Variants in SPNS3 observed in about 807,000 individuals in gnomAD.
SPNS3 encodes the protein protein spinster homolog 3.
In SPNS3, 51 loss-of-function variants were observed where a neutral mutation model predicts 54.4. That is an observed-to-expected ratio of 0.94 (90% confidence interval 0.75 to 1.18). The LOEUF (loss-of-function observed/expected upper bound fraction) is 1.18. Ranked by LOEUF, SPNS3 falls within the 50% of genes most tolerant of loss-of-function variation. The pLI, the probability that SPNS3 is intolerant of heterozygous loss-of-function variation, is 0.00. For missense variants in SPNS3, 669 were observed against 677.4 expected, an observed-to-expected ratio of 0.99 and a Z score of 0.14; for synonymous variants, 309 against 294.7, an observed-to-expected ratio of 1.05 and a Z score of -0.50.
chr17:4,456,740 G>T (rs1255042004), intron 8 of SPNS3, among the ~76,000 whole-genome samples: 2 of 150,244 alleles, frequency 1.3e-5, no homozygotes, highest in Non-Finnish European at 3.0e-5. Flanking sequence ...TTTGAGACAG[G>T]GTCTCACTCT....
intron 2 of SPNS3, 100 bp downstream of exon 2, chr17:4,439,823 G>C: frequency 8.9e-7 from 1 of 1,125,228 alleles, no homozygotes. Context: ...GCCCCACTGG[G>C]TCCCCTGGCA....
intron 5 of SPNS3, 34 bp downstream of exon 5, chr17:4,446,996 C>T (rs765042046): frequency 1.2e-6 from 2 of 1,611,328 alleles, no homozygotes; most frequent in Non-Finnish European, 1.7e-6. Context: ...CCTCTGCTTT[C>T]CCTCTGGACC....
chr17:4,445,164 C>A lies in SPNS3; in HGVS notation c.398C>A (p.Pro133His), dbSNP rs200883298. The A allele has an allele frequency of 3.7e-6, 6 of 1,612,370 alleles. 1 individual carries two copies. Among genetic ancestry groups the A allele is most frequent in the South Asian group, 2.2e-5 (2 of 90,884 alleles). ...GAGLSSSFIS[P>H]RYSWLFFLSR... ...GGCCTCTCTAGCTCCTTCATCTCCC[C>A]CCGGGTACGTGTCCATGCCCCTGTC... Residue 133 changes from proline to histidine, a missense_variant, in exon 3 of 12, where the codon CCC (proline) becomes CAC (histidine). Physicochemically the swap from Pro to His is moderately conservative, Grantham distance 77. Coordinates refer to ENST00000355530, the MANE Select transcript of SPNS3 (RefSeq NM_182538.5).
In SPNS3 at chr17:4,486,239, G is replaced by A. The variant is rs1972307860; in HGVS notation, c.1191G>A (p.Val397=). 2.6e-6 allele frequency: 4 copies of A among 1,562,424 alleles called. No individual in the cohort carries two copies. Among genetic ancestry groups the A allele is most frequent in the Non-Finnish European group, 3.5e-6 (4 of 1,158,332 alleles). ...VVADILLSVV[V]PRCRGTAEAL... ...CCTATGTTTTGCAGTCTGTGGTGGT[G>A]CCCAGATGCCGGGGGACGGCAGAGG... is the stretch of plus-strand genomic sequence containing the variant. The change falls in exon 10 of 12, where the codon GTG becomes GTA. Residue 397 remains valine (V), a synonymous_variant. Transcript: ENST00000355530. This position sits in a 1 kb window ranked among gnomAD's most constrained non-coding sequence, Gnocchi z 5.5.
rs766479806 is a variant in SPNS3, at chr17:4,448,322, C to T, written c.770+19C>T. 16 of 1,515,150 alleles carry T rather than the reference C, an allele frequency of 1.1e-5. No individual in the cohort carries two copies. The African/African-American group carries it at 1.6e-4, about 15-fold the overall frequency. The allele number at this position is 1,515,150 out of a possible 1,614,324, so 93.9% of individuals were successfully genotyped here. On this transcript the variant is annotated intron_variant, in intron 6 of 11. Transcript: ENST00000355530. ...GGAAAAAGTGAGTATCCCTGCTACC[C>T]CCTGCAAGGCACAGAAAAGCCCGTT...
At chr17:4,474,236 C>G (rs1476553946) in intron 8 of SPNS3, among the ~76,000 whole-genome samples, 1 of 152,238 alleles carries the variant, frequency 6.6e-6, no homozygotes, top group Non-Finnish European at 1.5e-5. Flanking sequence ...GCTGCCGGCC[C>G]CTGGAAACCA....
chr17:4,434,112 G>A lies in SPNS3; in HGVS notation c.145G>A (p.Ala49Thr), dbSNP rs542915181. ...CCCGTGGAGGGCCTACGTGGCTGCC[G>A]CCGTCCTCTGCTACATCAACCTCCT... ...LPPWRAYVAA[A>T]VLCYINLLNY... Residue 49 changes from alanine (A) to threonine (T), a missense_variant, in exon 1 of 12, where the codon GCC becomes ACC. Transcript: ENST00000355530. The A allele has an allele frequency of 4.8e-5, 78 of 1,612,212 alleles. 2 individuals carry two copies. In the South Asian group the frequency reaches 5.3e-4, roughly 11 times the overall value.
intron 8 of SPNS3, among the ~76,000 whole-genome samples, chr17:4,470,988 G>A (rs1353587710): frequency 6.6e-6 from 1 of 151,982 alleles, no homozygotes; most frequent in African/African-American, 2.4e-5. Context: ...GGGATGGCAC[G>A]AACTCGGATC....
intron 9 of SPNS3, chr17:4,481,965 T>C (rs149568614): frequency 0.032 from 4,925 of 152,076 alleles, 126 homozygotes; most frequent in African/African-American, 0.074. Flanking sequence ...CTCAGCTCAC[T>C]GCGACCTCTG....
rs538177269 is a variant in SPNS3, at chr17:4,460,411, AT to A, written c.1113+7211del. ...TTTGCCATGGTCATTGTGGGTAATC[AT>A]TTTTATGTATTGCTGGATTTTTTTT... On this transcript the variant is annotated intron_variant, in intron 8 of 11. Transcript: ENST00000355530. Among the ~76,000 whole-genome samples the A allele has an allele frequency of 1.2e-4, 17 of 145,662 alleles. No individual in the cohort carries two copies. In the East Asian group the frequency reaches 3.3e-3, roughly 29 times the overall value.
intron 9 of SPNS3, among the ~76,000 whole-genome samples, chr17:4,484,527 G>A (rs1477818187): frequency 6.6e-6 from 1 of 152,112 alleles, no homozygotes; most frequent in Admixed American, 6.6e-5. Flanking sequence ...CGCCATGTTG[G>A]CCAGGCTGGT....
chr17:4,438,973 C>G (rs1970781097), intron 1 of SPNS3, among the ~76,000 whole-genome samples: 1 of 150,748 alleles, frequency 6.6e-6, no homozygotes, highest in South Asian at 2.1e-4. Context: ...TGTATTTGTG[C>G]CTCTGCAGGT....
intron 4 of SPNS3, chr17:4,446,647 G>A (rs1206771524): frequency 1.7e-6 from 1 of 586,320 alleles, no homozygotes; most frequent in Non-Finnish European, 3.1e-6. Flanking sequence ...AGGGTGTAGG[G>A]TATGTGTTTC....
intron 2 of SPNS3, among the ~76,000 whole-genome samples, chr17:4,440,795 TGC>T (rs1463270154): frequency 1.3e-5 from 2 of 152,184 alleles, no homozygotes; most frequent in Admixed American, 1.3e-4. Context: ...AAGAGAAACG[TGC>T]TGGGGAGATT....
chr17:4,462,821 CCA>C (rs1971569029), intron 8 of SPNS3, among the ~76,000 whole-genome samples: 1 of 125,922 alleles, frequency 7.9e-6, no homozygotes, highest in Non-Finnish European at 1.7e-5. Context: ...ATCCATCCAT[CCA>C]TCCATCCATC....
intron 8 of SPNS3, among the ~76,000 whole-genome samples, chr17:4,471,068 G>C (rs1157527174): frequency 6.6e-6 from 1 of 152,154 alleles, no homozygotes; most frequent in African/African-American, 2.4e-5. Context: ...GGGATTATAG[G>C]CATGCGACAC....
At chr17:4,473,001 C>G (rs1462201044) in intron 8 of SPNS3, among the ~76,000 whole-genome samples, 1 of 151,234 alleles carries the variant, frequency 6.6e-6, no homozygotes, top group Non-Finnish European at 1.5e-5. Flanking sequence ...GTTGTCCAGG[C>G]TGGTCTTGAA....
Position 4,486,668 on chromosome 17 carries a change from G to A in SPNS3, c.1450+85G>A. ...TGGCCACCCCCTGAATCCCTGGCCA[G>A]TTTGTTTGTTCATTCATCCAGAAAT... On this transcript the variant is annotated intron_variant, in intron 11 of 11. Transcript: ENST00000355530. This position sits in a 1 kb window ranked among gnomAD's most constrained non-coding sequence, Gnocchi z 5.5. 7.1e-7 allele frequency: 1 copy of A among 1,402,704 alleles called. No individual in the cohort carries two copies. The allele number at this position is 1,402,704 out of a possible 1,614,324, so 86.9% of individuals were successfully genotyped here.
At chr17:4,442,779 T>C (rs1970886129) in intron 2 of SPNS3, among the ~76,000 whole-genome samples, 1 of 152,232 alleles carries the variant, frequency 6.6e-6, no homozygotes, top group Non-Finnish European at 1.5e-5. Context: ...TTACAGATGA[T>C]GAAACTGAGG....
Sources: gnomAD v4.1 joint callset for allele counts (sites outside exome capture counted in the v4.1 genomes callset) on GRCh38, gnomAD v4.1.1 for gene constraint, Gnocchi (gnomAD v3.1) non-coding constraint, MANE v1.5 for transcripts, NCBI Gene and HGNC (gene_info 2026-07-23, HGNC 2026-07-21) for gene names.